TUBGCP3: variants seen among roughly 807,000 people sequenced by gnomAD.
TUBGCP3 encodes the protein gamma-tubulin complex component 3.
A neutral mutation model predicts 123.1 loss-of-function variants in TUBGCP3; 50 were observed. The observed-to-expected ratio is 0.41, with a 90% CI of 0.32 to 0.51. TUBGCP3 has a LOEUF of 0.51. TUBGCP3 is among the 20% of genes least tolerant of loss of function. TUBGCP3 has a pLI of 0.36. For missense variants in TUBGCP3, 882 were observed against 1,127.0 expected (o/e 0.78, Z 3.11); for synonymous variants, 405 against 413.9 (o/e 0.98, Z 0.26).
upstream of TUBGCP3, among the ~76,000 whole-genome samples, chr13:112,591,933 G>T (rs144761616): frequency 7.2e-3 from 1,098 of 152,274 alleles, 12 homozygotes; most frequent in Non-Finnish European, 9.6e-3. Flanking sequence ...GGGAACAAAA[G>T]AATCATATCA....
At chr13:112,561,945 T>C (rs75805239) in intron 3 of TUBGCP3, among the ~76,000 whole-genome samples, 3 of 152,064 alleles carry the variant, frequency 2.0e-5, no homozygotes, top group African/African-American at 7.2e-5. Context: ...AAAGAGCAAG[T>C]ATAAAACACC....
At chr13:112,505,475 A>G (rs1881228275) in intron 17 of TUBGCP3, among the ~76,000 whole-genome samples, 1 of 152,254 alleles carries the variant, frequency 6.6e-6, no homozygotes, top group Admixed American at 6.5e-5. Flanking sequence ...CTTGCTACGC[A>G]TGCAGTTGTG....
chr13:112,537,127 C>CTT lies in TUBGCP3; in HGVS notation c.1335+8570_1335+8571dup, dbSNP rs58140098. Among the ~76,000 whole-genome samples the CTT allele has an allele frequency of 1.3e-3, 98 of 78,094 alleles. 1 individual carries two copies. Among genetic ancestry groups the CTT allele is most frequent in the Middle Eastern group, 8.9e-3 (1 of 112 alleles). The allele number at this position is 78,094 out of a possible 152,430, so 51.2% of individuals were successfully genotyped here. On this transcript the variant is annotated intron_variant, in intron 11 of 21. Transcript: ENST00000261965. The stretch of plus-strand genomic sequence containing the variant: ...CTATCTGGATGCTTTTACCTTTTTC[C>CTT]TTTTTTTTTTTTTTTTTTTTTAAAA...
chr13:112,536,685 TAC>T (rs1178052510), intron 11 of TUBGCP3, among the ~76,000 whole-genome samples: 1 of 152,242 alleles, frequency 6.6e-6, no homozygotes, highest in East Asian at 1.9e-4. Context: ...CAGCTATACA[TAC>T]ACCTCTCTAC....
the TUBGCP3 span, among the ~76,000 whole-genome samples, chr13:112,599,149 C>T: frequency 2.0e-5 from 3 of 152,158 alleles, no homozygotes; most frequent in African/African-American, 7.2e-5. Context: ...CGTATTATCA[C>T]GGGTGCATAC....
At chr13:112,574,471 A>G (rs1035788941) in intron 1 of TUBGCP3, among the ~76,000 whole-genome samples, 3 of 152,260 alleles carry the variant, frequency 2.0e-5, no homozygotes, top group Admixed American at 6.5e-5. Context: ...AGACAATCCA[A>G]AATCCCCAGA....
At chr13:112,593,672 CAAAAAAAA>C in the TUBGCP3 span, among the ~76,000 whole-genome samples, 1 of 149,232 alleles carries the variant, frequency 6.7e-6, no homozygotes, top group African/African-American at 2.5e-5. Context: ...GACTCCATCT[CAAAAAAAA>C]GAAAAAAAAA....
At chr13:112,526,687 ACAC>A (rs771747741) in intron 13 of TUBGCP3, among the ~76,000 whole-genome samples, 1 of 148,072 alleles carries the variant, frequency 6.8e-6, no homozygotes, top group Non-Finnish European at 1.5e-5. Context: ...CACCATCATC[ACAC>A]CACCATCATT....
chr13:112,513,067 T>C (rs530053266), intron 17 of TUBGCP3, among the ~76,000 whole-genome samples: 1 of 152,298 alleles, frequency 6.6e-6, no homozygotes, highest in African/African-American at 2.4e-5. Context: ...AATGCCACTG[T>C]TTTGAAAGAG....
At chr13:112,595,505 CA>C in the TUBGCP3 span, among the ~76,000 whole-genome samples, 1 of 152,152 alleles carries the variant, frequency 6.6e-6, no homozygotes, top group Non-Finnish European at 1.5e-5. Context: ...CCAATTAATA[CA>C]TTTTGCAGCT....
the TUBGCP3 span, among the ~76,000 whole-genome samples, chr13:112,593,752 T>A: frequency 6.6e-6 from 1 of 150,998 alleles, no homozygotes; most frequent in African/African-American, 2.4e-5. Flanking sequence ...CAGAAGAAAC[T>A]AAAAGAAGTT....
chr13:112,552,566 C>G (rs1879670496), intron 8 of TUBGCP3, among the ~76,000 whole-genome samples: 1 of 152,212 alleles, frequency 6.6e-6, no homozygotes, highest in Non-Finnish European at 1.5e-5. Flanking sequence ...TCTCTCCCCA[C>G]CTTCACAATC....
intron 17 of TUBGCP3, 93 bp from the exon 18 acceptor site, chr13:112,504,807 AC>A: frequency 2.0e-6 from 2 of 1,006,874 alleles, no homozygotes; most frequent in African/African-American, 3.2e-5. Flanking sequence ...CTATCTTAAA[AC>A]AAAAAATCAG....
chr13:112,591,566 A>G (rs1193171596), upstream of TUBGCP3, among the ~76,000 whole-genome samples: 1 of 152,072 alleles, frequency 6.6e-6, no homozygotes, highest in African/African-American at 2.4e-5. Context: ...AACACTCGTT[A>G]GGTGTGTGGC....
intron 11 of TUBGCP3, among the ~76,000 whole-genome samples, chr13:112,539,257 G>C (rs1283324600): frequency 6.6e-6 from 1 of 152,210 alleles, no homozygotes; most frequent in South Asian, 2.1e-4. Flanking sequence ...CCAGAGAGGT[G>C]AAGGTATTTG....
chr13:112,541,551 A>AT (rs1333476573), intron 11 of TUBGCP3, among the ~76,000 whole-genome samples: 1 of 152,032 alleles, frequency 6.6e-6, no homozygotes, highest in Non-Finnish European at 1.5e-5. Context: ...CAAAAAAAAA[A>AT]AAAAAAAAAT....
intron 11 of TUBGCP3, among the ~76,000 whole-genome samples, chr13:112,544,313 A>T (rs187075477): frequency 1.3e-5 from 2 of 152,010 alleles, no homozygotes; most frequent in Non-Finnish European, 2.9e-5. Context: ...TTAGCCAGGC[A>T]TGGTGGCGGG....
At chr13:112,517,309 C>A (rs573239121) in intron 16 of TUBGCP3, among the ~76,000 whole-genome samples, 1 of 152,256 alleles carries the variant, frequency 6.6e-6, no homozygotes, top group East Asian at 1.9e-4. Context: ...TTCCTCGAGT[C>A]CTTCTACTAA....
intron 11 of TUBGCP3, among the ~76,000 whole-genome samples, chr13:112,536,179 G>T (rs1048137712): frequency 6.6e-6 from 1 of 152,250 alleles, no homozygotes; most frequent in Non-Finnish European, 1.5e-5. Flanking sequence ...TTTAAAATCA[G>T]AAAATTTGTT....
Sources: allele counts gnomAD v4.1 joint callset (sites outside exome capture counted in the v4.1 genomes callset), GRCh38; gene constraint gnomAD v4.1.1; transcripts MANE v1.5; gene names NCBI Gene and HGNC (gene_info 2026-07-23, HGNC 2026-07-21).